Variants in KHDRBS2 observed in about 807,000 individuals in gnomAD.
The protein encoded by KHDRBS2 is KH RNA binding domain containing, signal transduction associated 2, also known as KH domain-containing, RNA-binding, signal transduction-associated protein 2.
A neutral mutation model predicts 44.3 loss-of-function variants in KHDRBS2; 26 were observed. The ratio of observed to expected loss-of-function variants is 0.59; its 90% CI spans 0.43 to 0.81. The LOEUF (loss-of-function observed/expected upper bound fraction) is 0.81. Among genes scored for constraint, KHDRBS2 ranks in the 40% least tolerant of loss-of-function variants. KHDRBS2 has a pLI of 0.00. For missense variants in KHDRBS2, 476 were observed against 433.1 expected (o/e 1.10, Z -0.88); for synonymous variants, 194 against 151.1 (o/e 1.28, Z -2.08).
chr6:62,237,113 G>C (rs1585346836), intron 1 of KHDRBS2, among the ~76,000 whole-genome samples: 1 of 152,054 alleles, frequency 6.6e-6, no homozygotes, highest in Non-Finnish European at 1.5e-5. Context: ...GATTGCCATT[G>C]CGTCACACGT....
At chr6:61,545,501 C>G in the KHDRBS2 span, among the ~76,000 whole-genome samples, 29 of 148,444 alleles carry the variant, frequency 2.0e-4, no homozygotes, top group South Asian at 1.5e-3. Flanking sequence ...TAGCTAATCT[C>G]TGTGTGTGTG....
At chr6:62,176,559 AT>A (rs1449603886) in intron 2 of KHDRBS2, among the ~76,000 whole-genome samples, 2 of 151,292 alleles carry the variant, frequency 1.3e-5, no homozygotes, top group East Asian at 1.9e-4. Context: ...ACCAAAAAAA[AT>A]CCCTCTGTTT....
At chr6:61,609,944 C>T in the KHDRBS2 span, among the ~76,000 whole-genome samples, 5 of 152,210 alleles carry the variant, frequency 3.3e-5, no homozygotes, top group Admixed American at 6.5e-5. Flanking sequence ...GAGGCCAAGG[C>T]GGGAGGATCA....
the KHDRBS2 span, among the ~76,000 whole-genome samples, chr6:61,565,985 G>A: frequency 1.1e-4 from 15 of 138,718 alleles, no homozygotes; most frequent in African/African-American, 3.5e-4. Context: ...AGATGTATGG[G>A]TAAAGAAAAT....
In KHDRBS2 at chr6:62,066,688, G is replaced by A. The variant is rs191845307; in HGVS notation, c.220-18694C>T. On this transcript the variant is annotated intron_variant, in intron 2 of 8. Coordinates refer to ENST00000281156, the MANE Select transcript of KHDRBS2 (RefSeq NM_152688.4). ...AGGACAAATTAATCCATTAAGAGGG[G>A]CTTATTGAGCATACATTATGTGACA... is the stretch of plus-strand genomic sequence containing the variant. 2.0e-5 allele frequency among the ~76,000 whole-genome samples: 3 copies of A among 151,666 alleles called. No individual in the cohort carries two copies. In the East Asian group the frequency reaches 5.9e-4, roughly 30 times the overall value.
intron 1 of KHDRBS2, among the ~76,000 whole-genome samples, chr6:62,223,218 GCACT>G (rs1831187749): frequency 6.6e-6 from 1 of 152,212 alleles, no homozygotes; most frequent in African/African-American, 2.4e-5. Context: ...AGACTTCTGT[GCACT>G]CGCAGGCTCA....
At chr6:61,996,673 C>G (rs1440842428) in intron 3 of KHDRBS2, among the ~76,000 whole-genome samples, 1 of 152,140 alleles carries the variant, frequency 6.6e-6, no homozygotes, top group East Asian at 1.9e-4. Context: ...CCCAATTGAA[C>G]TTTTTACTTT....
At chr6:61,563,686 T>A in the KHDRBS2 span, among the ~76,000 whole-genome samples, 1 of 152,100 alleles carries the variant, frequency 6.6e-6, no homozygotes, top group Admixed American at 6.6e-5. Context: ...GCATCCTTTT[T>A]ATCAGTCCTG....
intron 1 of KHDRBS2, among the ~76,000 whole-genome samples, chr6:62,179,794 G>A (rs73491201): frequency 0.013 from 1,935 of 151,834 alleles, 41 homozygotes; most frequent in African/African-American, 0.044. Context: ...ATCAAGAAAT[G>A]GAGTTAAATG....
intron 2 of KHDRBS2, among the ~76,000 whole-genome samples, chr6:62,117,293 T>G (rs552431902): frequency 2.0e-5 from 3 of 152,302 alleles, no homozygotes; most frequent in East Asian, 3.9e-4. Context: ...ATAGTGGCTA[T>G]CTTAACGGGG....
intron 4 of KHDRBS2, among the ~76,000 whole-genome samples, chr6:61,936,819 T>C (rs2127371728): frequency 6.6e-6 from 1 of 152,150 alleles, no homozygotes; most frequent in Non-Finnish European, 1.5e-5. Flanking sequence ...AGAAATTCAC[T>C]GGTGAGAAAT....
chr6:61,571,890 G>C, the KHDRBS2 span, among the ~76,000 whole-genome samples: 1 of 151,864 alleles, frequency 6.6e-6, no homozygotes, highest in African/African-American at 2.4e-5. Flanking sequence ...AATAGATAGT[G>C]TAAGGTCACA....
At chr6:61,612,022 A>G in the KHDRBS2 span, among the ~76,000 whole-genome samples, 4 of 152,252 alleles carry the variant, frequency 2.6e-5, no homozygotes, top group Non-Finnish European at 5.9e-5. Context: ...GTGCTTGTAT[A>G]CATGTGCATA....
At chr6:61,945,172 A>G (rs1254011658) in intron 4 of KHDRBS2, among the ~76,000 whole-genome samples, 1 of 107,984 alleles carries the variant, frequency 9.3e-6, no homozygotes, top group Non-Finnish European at 1.9e-5. Context: ...TGTCTTGATA[A>G]AGTTTATTTT....
At chr6:61,604,015 C>T in the KHDRBS2 span, among the ~76,000 whole-genome samples, 1 of 152,182 alleles carries the variant, frequency 6.6e-6, no homozygotes, top group Admixed American at 6.5e-5. Flanking sequence ...ATCATTGAGG[C>T]TACCGCTCTG....
intron 6 of KHDRBS2, among the ~76,000 whole-genome samples, chr6:61,860,574 T>C (rs2127294490): frequency 6.6e-6 from 1 of 152,252 alleles, no homozygotes; most frequent in Admixed American, 6.5e-5. Context: ...GGCTGCATAA[T>C]ATTCCATGGT....
intron 6 of KHDRBS2, among the ~76,000 whole-genome samples, chr6:61,851,197 A>G (rs1368250357): frequency 2.0e-5 from 3 of 152,086 alleles, no homozygotes; most frequent in Admixed American, 6.6e-5. Context: ...AATGAGAAAA[A>G]AATATATATA....
chr6:61,605,077 A>G, the KHDRBS2 span, among the ~76,000 whole-genome samples: 2 of 152,144 alleles, frequency 1.3e-5, no homozygotes, highest in Non-Finnish European at 2.9e-5. Context: ...CCAACTTAAA[A>G]AGGACTGGAC....
At chr6:61,863,549 C>G (rs1797333317) in intron 6 of KHDRBS2, among the ~76,000 whole-genome samples, 1 of 152,116 alleles carries the variant, frequency 6.6e-6, no homozygotes, top group South Asian at 2.1e-4. Flanking sequence ...ATTATTTACC[C>G]AAAAGTCATT....
Sources: gnomAD v4.1 joint callset for allele counts (sites outside exome capture counted in the v4.1 genomes callset) on GRCh38, gnomAD v4.1.1 for gene constraint, MANE v1.5 for transcripts, NCBI Gene and HGNC (gene_info 2026-07-23, HGNC 2026-07-21) for gene names.